Variants in TTC39B observed in about 807,000 individuals in gnomAD.
TTC39B encodes tetratricopeptide repeat protein 39B.
Under a neutral mutation model 96.6 loss-of-function variants are expected in TTC39B, and 92 were observed. That is an observed-to-expected ratio of 0.95 (90% CI 0.80 to 1.13). TTC39B has a LOEUF of 1.13. TTC39B is among the 50% of genes most tolerant of loss of function. The pLI, the probability that TTC39B is intolerant of heterozygous loss-of-function variation, is 0.00. For synonymous variants in TTC39B, 367 were observed against 299.4 expected (o/e 1.23, Z -2.33); for missense variants, 955 against 809.3 (o/e 1.18, Z -2.18).
chr9:15,180,999 G>C (rs1818220580), intron 17 of TTC39B, among the ~76,000 whole-genome samples: 1 of 152,140 alleles, frequency 6.6e-6, no homozygotes. Flanking sequence ...TATCATCTCA[G>C]CATGTCATTA....
intron 2 of TTC39B, among the ~76,000 whole-genome samples, chr9:15,246,228 G>A (rs1422009727): frequency 1.3e-5 from 2 of 152,102 alleles, no homozygotes; most frequent in Non-Finnish European, 2.9e-5. Context: ...ACTCCAGCCT[G>A]GGCAACCAGA....
At chr9:15,292,289 T>C (rs578205512) in intron 1 of TTC39B, among the ~76,000 whole-genome samples, 10 of 151,962 alleles carry the variant, frequency 6.6e-5, no homozygotes, top group Admixed American at 2.6e-4. Context: ...AAGATTGGAG[T>C]GGAGCTAAAA....
At chr9:15,284,758 A>G (rs1823895186) in intron 1 of TTC39B, among the ~76,000 whole-genome samples, 1 of 152,196 alleles carries the variant, frequency 6.6e-6, no homozygotes, top group Admixed American at 6.5e-5. Context: ...AATATAGTAA[A>G]GGCAAAAATC....
At chr9:15,182,484 C>G in intron 16 of TTC39B, 69 bp from the exon 17 acceptor site, 2 of 1,076,776 alleles carry the variant, frequency 1.9e-6, no homozygotes, top group Non-Finnish European at 2.7e-6. Flanking sequence ...GATCCCCAAA[C>G]AATGTTCATG....
At chr9:15,248,330 T>C (rs1332723716) in intron 2 of TTC39B, among the ~76,000 whole-genome samples, 3 of 152,162 alleles carry the variant, frequency 2.0e-5, no homozygotes, top group Non-Finnish European at 2.9e-5. Flanking sequence ...ATTTCCAACA[T>C]CTCTTTCCAG....
At chr9:15,183,788 T>C (rs1245594714) in intron 16 of TTC39B, among the ~76,000 whole-genome samples, 1 of 152,152 alleles carries the variant, frequency 6.6e-6, no homozygotes, top group Non-Finnish European at 1.5e-5. Context: ...GAGGGAGATG[T>C]TTGGTTATTT....
At chr9:15,176,301 A>C (rs1817935077) in intron 18 of TTC39B, among the ~76,000 whole-genome samples, 1 of 152,234 alleles carries the variant, frequency 6.6e-6, no homozygotes, top group Non-Finnish European at 1.5e-5. Context: ...AAAACAGCAC[A>C]ATAGGTCATC....
At chr9:15,305,727 C>G (rs771153923) in intron 1 of TTC39B, among the ~76,000 whole-genome samples, 3 of 150,326 alleles carry the variant, frequency 2.0e-5, no homozygotes, top group African/African-American at 4.9e-5. Context: ...GTGAGCATAG[C>G]TGGGGTGACC....
chr9:15,301,772 GAAGAA>G (rs1409607084), intron 1 of TTC39B, among the ~76,000 whole-genome samples: 3 of 150,678 alleles, frequency 2.0e-5, no homozygotes, highest in African/African-American at 7.3e-5. Context: ...AAAAAAAGAA[GAAGAA>G]AAGAAAGAAA....
intron 3 of TTC39B, chr9:15,224,472 C>T (rs1821015750): frequency 6.6e-6 from 1 of 152,306 alleles, no homozygotes; most frequent in Non-Finnish European, 1.5e-5. Context: ...CAAAAGGTTC[C>T]TTCCTCCATT....
chr9:15,264,236 T>G (rs376696902), intron 2 of TTC39B, among the ~76,000 whole-genome samples: 2 of 152,156 alleles, frequency 1.3e-5, no homozygotes, highest in South Asian at 4.1e-4. Context: ...ATATGAAGGA[T>G]GAACAAGCTA....
Position 15,306,273 on chromosome 9 carries a change from T to C in TTC39B, c.240+811A>G, listed in dbSNP as rs1824749158. 6.6e-6 allele frequency among the ~76,000 whole-genome samples: 1 copy of C among 152,202 alleles called. No individual in the cohort carries two copies. The highest frequency in any genetic ancestry group is 2.1e-4 in the South Asian group (1 of 4,830). On this transcript the variant is annotated intron_variant, in intron 1 of 19. Transcript: ENST00000512701. The surrounding 1 kb of genome is among the most constrained non-coding windows in gnomAD (Gnocchi z 5.1). ...GAGCGCTGTCTCTGGAGTTGCCAGGTGCTGAAATGAATAGTCAATAAATCA... is the reference window on the plus strand; with the variant it reads ...GAGCGCTGTCTCTGGAGTTGCCAGGCGCTGAAATGAATAGTCAATAAATCA...
In TTC39B at chr9:15,256,076, G is replaced by A. The variant is rs115526199; in HGVS notation, c.275+11838C>T. ...GAAACCTAACCCCCAAAGTGATGGC[G>A]TGGGGCCTTTGGAAGGTGATTAGGT... On this transcript the variant is annotated intron_variant, in intron 2 of 19. Coordinates refer to ENST00000512701, the Ensembl canonical transcript of TTC39B. Among the ~76,000 whole-genome samples the A allele has an allele frequency of 7.5e-3, 1,145 of 152,296 alleles. 21 individuals carry two copies. The highest frequency in any genetic ancestry group is 0.026 in the African/African-American group (1,072 of 41,556).
In TTC39B at chr9:15,210,081, CTT is replaced by C; in HGVS notation, c.691+5_691+6del. ...AGGAAAAAAGTGATCTTTTAAATGA[CTT>C]TTACCTTCACTCAGTTGCTCCAGGG... On this transcript the variant is annotated splice_donor_5th_base_variant and intron_variant, in intron 6 of 19. Coordinates refer to ENST00000512701, the Ensembl canonical transcript of TTC39B. The C allele has an allele frequency of 1.3e-6, 2 of 1,587,550 alleles. No individual in the cohort carries two copies. The highest frequency in any genetic ancestry group is 1.7e-6 in the Non-Finnish European group (2 of 1,166,782).
chr9:15,240,931 T>C (rs1421334260), intron 2 of TTC39B, among the ~76,000 whole-genome samples: 1 of 152,238 alleles, frequency 6.6e-6, no homozygotes, highest in African/African-American at 2.4e-5. Context: ...TATTACTTTA[T>C]GCATATTTAC....
Position 15,236,008 on chromosome 9 carries a change from T to C in TTC39B, c.276-9996A>G, listed in dbSNP as rs549690881. 3.2e-4 allele frequency among the ~76,000 whole-genome samples: 49 copies of C among 152,166 alleles called. 1 individual carries two copies. In the South Asian group the frequency reaches 1.0e-2, roughly 31 times the overall value. On this transcript the variant is annotated intron_variant, in intron 2 of 19. Transcript: ENST00000512701. ...TGACCTAAATGCCCCACTTAAAAGA[T>C]ACGGAGTAGCAAACTAGTTTTTTAA... is the stretch of plus-strand genomic sequence containing the variant.
intron 2 of TTC39B, among the ~76,000 whole-genome samples, chr9:15,239,446 T>C (rs1821939721): frequency 6.6e-6 from 1 of 152,100 alleles, no homozygotes; most frequent in South Asian, 2.1e-4. Flanking sequence ...AATCATTATA[T>C]AAAAAAGATT....
chr9:15,235,625 A>G (rs935007440), intron 2 of TTC39B, among the ~76,000 whole-genome samples: 21 of 152,276 alleles, frequency 1.4e-4, no homozygotes, highest in Admixed American at 9.2e-4. Flanking sequence ...CTCAGCAGAA[A>G]CCCTACAAAC....
chr9:15,197,867 C>G (rs930483134), intron 8 of TTC39B, among the ~76,000 whole-genome samples: 1 of 151,888 alleles, frequency 6.6e-6, no homozygotes, highest in South Asian at 2.1e-4. Flanking sequence ...AAAAACCCAT[C>G]GACTCAGAAT....
Sources: allele counts gnomAD v4.1 joint callset (sites outside exome capture counted in the v4.1 genomes callset), GRCh38; gene constraint gnomAD v4.1.1; non-coding constraint Gnocchi (gnomAD v3.1); transcripts MANE v1.5; gene names NCBI Gene and HGNC (gene_info 2026-07-23, HGNC 2026-07-21).